Variants in NDUFV3 observed in about 807,000 individuals in gnomAD.
The protein encoded by NDUFV3 is NADH dehydrogenase [ubiquinone] flavoprotein 3, mitochondrial.
Under a neutral mutation model 37.5 loss-of-function variants are expected in NDUFV3, and 44 were observed. That is an observed-to-expected ratio of 1.17 (90% CI 0.92 to 1.51). The LOEUF (loss-of-function observed/expected upper bound fraction) is 1.51, where lower values mean the gene tolerates loss of function less well. Ranked by LOEUF, NDUFV3 falls within the 40% of genes most tolerant of loss-of-function variation. The pLI, the probability that NDUFV3 is intolerant of heterozygous loss-of-function variation, is 0.00. For synonymous variants in NDUFV3, 235 were observed against 239.3 expected, an observed-to-expected ratio of 0.98 and a Z score of 0.17; for missense variants, 580 against 580.4, an observed-to-expected ratio of 1.00 and a Z score of 0.01.
At chr21:42,908,318 A>C (rs2058751426) in intron 3 of NDUFV3, among the ~76,000 whole-genome samples, 1 of 152,138 alleles carries the variant, frequency 6.6e-6, no homozygotes. Context: ...AAAAAAAAAA[A>C]CGCATTGTAA....
intron 3 of NDUFV3, among the ~76,000 whole-genome samples, chr21:42,905,989 G>A (rs2058740021): frequency 6.6e-6 from 1 of 151,446 alleles, no homozygotes; most frequent in Admixed American, 6.6e-5. Context: ...TCAGCCTCCT[G>A]AGTAGGTGCC....
intron 3 of NDUFV3, 69 bp downstream of exon 3, chr21:42,904,345 C>T: frequency 1.9e-6 from 3 of 1,543,300 alleles, no homozygotes; most frequent in Non-Finnish European, 2.6e-6. Flanking sequence ...AACTAATTTA[C>T]ATATGCTTGT....
rs755249817 is a variant in NDUFV3, at chr21:42,904,111, G to A, written c.1099G>A (p.Gly367Arg). Reference sequence around the variant, plus strand: ...GGGAATAGAAGGCCACCTGAAGGGTGGACAGGCAATCGTGGAAGATCAGAT... The same window carrying A: ...GGGAATAGAAGGCCACCTGAAGGGTAGACAGGCAATCGTGGAAGATCAGAT... ...TQGIEGHLKGGQAIVEDQIPP... is the reference protein window; with the variant it reads ...TQGIEGHLKGRQAIVEDQIPP... Residue 367 changes from glycine (G) to arginine (R), a missense_variant, in exon 3 of 4, where the codon GGA becomes AGA. By Grantham distance (125) the Gly-to-Arg change is moderately radical (BLOSUM62 -2). Coordinates refer to ENST00000354250, the MANE Select transcript of NDUFV3 (RefSeq NM_021075.4). The A allele has an allele frequency of 2.5e-6, 4 of 1,614,118 alleles. No homozygotes were observed. The highest frequency in any genetic ancestry group is 1.7e-6 in the Non-Finnish European group (2 of 1,180,052).
intron 1 of NDUFV3, among the ~76,000 whole-genome samples, chr21:42,895,907 T>G (rs1356107014): frequency 2.6e-5 from 4 of 151,952 alleles, no homozygotes; most frequent in African/African-American, 9.7e-5. Context: ...TGTTTTGCAC[T>G]TACATGTAGT....
At chr21:42,905,497 A>G (rs750319396) in intron 3 of NDUFV3, among the ~76,000 whole-genome samples, 1 of 152,006 alleles carries the variant, frequency 6.6e-6, no homozygotes, top group Non-Finnish European at 1.5e-5. Context: ...ACATTTTATG[A>G]AGGGTTTTTT....
intron 2 of NDUFV3, among the ~76,000 whole-genome samples, chr21:42,902,656 ACAGT>A (rs2058721938): frequency 6.6e-6 from 1 of 152,166 alleles, no homozygotes; most frequent in Admixed American, 6.5e-5. Flanking sequence ...GAGAAGAGAA[ACAGT>A]CTCTGAAAGT....
chr21:42,904,419 A>G, intron 3 of NDUFV3, 143 bp downstream of exon 3: 1 of 1,077,738 alleles, frequency 9.3e-7, no homozygotes, highest in Non-Finnish European at 1.4e-6. Flanking sequence ...TGTCTCAGCC[A>G]GGCAGAAAAG....
chr21:42,896,679 C>T (rs1204637157), intron 1 of NDUFV3, among the ~76,000 whole-genome samples: 3 of 151,882 alleles, frequency 2.0e-5, no homozygotes, highest in Non-Finnish European at 4.4e-5. Flanking sequence ...AGCCAGATCT[C>T]GTCTCTATAA....
chr21:42,897,927 T>C (rs190525460), intron 2 of NDUFV3, among the ~76,000 whole-genome samples: 62 of 151,014 alleles, frequency 4.1e-4, no homozygotes, highest in African/African-American at 1.3e-3. Context: ...CCGCCCGCCT[T>C]GGCCTCCCAG....
In NDUFV3 at chr21:42,912,349, A is replaced by T. The variant is rs992103701; in HGVS notation, c.*3328A>T. ...AAGGGCTTAAAACCGAATAGCCAGC[A>T]CCAAGCACAGCTCTGCATTTTGTAG... On this transcript the variant is annotated 3_prime_UTR_variant, in exon 4 of 4. Coordinates refer to ENST00000354250, the MANE Select transcript of NDUFV3 (RefSeq NM_021075.4). 1.3e-5 allele frequency: 2 copies of T among 152,256 alleles called. No individual in the cohort carries two copies. The highest frequency in any genetic ancestry group is 2.4e-5 in the African/African-American group (1 of 41,458). 9.4% of individuals were successfully genotyped at this position (152,256 alleles called of 1,614,324 possible). A position where few individuals can be genotyped will look rare whatever the true frequency, so the allele number is the denominator to read the frequency against.
chr21:42,902,202 C>A (rs2058720444), intron 2 of NDUFV3, among the ~76,000 whole-genome samples: 2 of 151,700 alleles, frequency 1.3e-5, no homozygotes, highest in African/African-American at 4.8e-5. Flanking sequence ...GAGTGAAACT[C>A]CATTTCAAAA....
rs2058758830 is a variant in NDUFV3, at chr21:42,909,353, G to T, written c.*332G>T. On this transcript the variant is annotated 3_prime_UTR_variant, in exon 4 of 4. Coordinates refer to ENST00000354250, the MANE Select transcript of NDUFV3 (RefSeq NM_021075.4). ...GACAGGGTTTCACCATGTTGGCCAG[G>T]CTGGTCTCGAACTCCTGACCTCAGA... is the stretch of plus-strand genomic sequence containing the variant. 2.9e-6 allele frequency: 1 copy of T among 343,404 alleles called. No individual in the cohort carries two copies. The highest frequency in any genetic ancestry group is 2.1e-5 in the African/African-American group (1 of 46,718). The allele number at this position is 343,404 out of a possible 1,614,324, so 21.3% of individuals were successfully genotyped here.
chr21:42,906,723 C>T (rs547523995), intron 3 of NDUFV3: 102 of 375,828 alleles, frequency 2.7e-4, no homozygotes, highest in African/African-American at 1.3e-3. Flanking sequence ...CTAGGCAGTC[C>T]GTGCCCCAGT....
chr21:42,912,989 G>A lies in NDUFV3; in HGVS notation c.*3968G>A, dbSNP rs71320571. ...TGAGACAGGAGAATGATGTGAACCC[G>A]GGAGGCAGAGCTTGCAGTGAGCCGA... On this transcript the variant is annotated 3_prime_UTR_variant, in exon 4 of 4. Transcript: ENST00000354250. 0.077 allele frequency: 11,442 copies of A among 149,244 alleles called. 490 individuals are homozygous for A. Among genetic ancestry groups the A allele is most frequent in the East Asian group, 0.15 (779 of 5,046 alleles). The allele number at this position is 149,244 out of a possible 1,614,324, so 9.2% of individuals were successfully genotyped here. A position where few individuals can be genotyped will look rare whatever the true frequency, so the allele number is the denominator to read the frequency against.
Position 42,904,109 on chromosome 21 carries a change from G to A in NDUFV3, c.1097G>A (p.Gly366Asp). Reference sequence around the variant, plus strand: ...CAGGGAATAGAAGGCCACCTGAAGGGTGGACAGGCAATCGTGGAAGATCAG... The same window carrying A: ...CAGGGAATAGAAGGCCACCTGAAGGATGGACAGGCAATCGTGGAAGATCAG... ...GTQGIEGHLK[G>D]GQAIVEDQIP... is the part of the protein sequence containing the mutation. The change falls in exon 3 of 4, where the codon GGT becomes GAT. Residue 366 changes from glycine (G) to aspartate (D), a missense_variant. By Grantham distance (94) the Gly-to-Asp change is moderately conservative (BLOSUM62 -1). Coordinates refer to ENST00000354250, the MANE Select transcript of NDUFV3 (RefSeq NM_021075.4). The A allele has an allele frequency of 6.2e-7, 1 of 1,614,262 alleles. No homozygotes were observed. Among genetic ancestry groups the A allele is most frequent in the Non-Finnish European group, 8.5e-7 (1 of 1,180,048 alleles).
intron 2 of NDUFV3, among the ~76,000 whole-genome samples, chr21:42,898,210 C>T (rs559110618): frequency 2.0e-5 from 3 of 152,264 alleles, no homozygotes; most frequent in African/African-American, 7.2e-5. Context: ...TTGGATTCCA[C>T]GGGAATGTTA....
rs1387857104 is a variant in NDUFV3 at position 42,913,285 on chromosome 21, A to G, written c.*4264A>G. 1.3e-5 allele frequency: 2 copies of G among 152,174 alleles called. No homozygotes were observed. The highest frequency in any genetic ancestry group is 2.4e-5 in the African/African-American group (1 of 41,448). The allele number at this position is 152,174 out of a possible 1,614,324, so 9.4% of individuals were successfully genotyped here. ...CCTTAGAGACCTGTCTGTAATAAAC[A>G]TTATTTGAAATGCCTACTATATGCT... On this transcript the variant is annotated 3_prime_UTR_variant, in exon 4 of 4. Coordinates refer to ENST00000354250, the MANE Select transcript of NDUFV3 (RefSeq NM_021075.4).
intron 2 of NDUFV3, among the ~76,000 whole-genome samples, chr21:42,900,020 A>G (rs2058712298): frequency 6.6e-6 from 1 of 152,208 alleles, no homozygotes; most frequent in South Asian, 2.1e-4. Flanking sequence ...CAACATAGTG[A>G]AAACCTATCT....
intron 3 of NDUFV3, among the ~76,000 whole-genome samples, chr21:42,904,491 CTT>C (rs11321406): frequency 7.4e-4 from 93 of 125,796 alleles, no homozygotes; most frequent in African/African-American, 1.4e-3. Context: ...ATTTAACGTT[CTT>C]TTTTTTTTTT....
Sources: allele counts gnomAD v4.1 joint callset (sites outside exome capture counted in the v4.1 genomes callset), GRCh38; gene constraint gnomAD v4.1.1; transcripts MANE v1.5; gene names NCBI Gene and HGNC (gene_info 2026-07-23, HGNC 2026-07-21).